The following PCDHA5 variants were observed in gnomAD, a reference collection of about 807,000 sequenced individuals.
The protein encoded by PCDHA5 is protocadherin alpha-5.
A neutral mutation model predicts 61.6 loss-of-function variants in PCDHA5; 43 were observed. The ratio of observed to expected loss-of-function variants is 0.70; its 90% CI spans 0.55 to 0.90. The LOEUF (loss-of-function observed/expected upper bound fraction) is 0.90, where lower values mean the gene tolerates loss of function less well. PCDHA5 is among the 40% of genes least tolerant of loss of function. The pLI is 0.00. For missense variants in PCDHA5, 1,298 were observed against 1,222.7 expected (o/e 1.06, Z -0.92); for synonymous variants, 627 against 543.9 (o/e 1.15, Z -2.13).
intron 1 of PCDHA5, among the ~76,000 whole-genome samples, chr5:140,951,153 G>T (rs1585399827): frequency 3.4e-5 from 1 of 29,832 alleles, no homozygotes; most frequent in Admixed American, 3.1e-4. Context: ...ATTGAATATA[G>T]TTATAGTAGC....
chr5:140,968,564 G>C (rs565573880), intron 1 of PCDHA5: 1 of 1,614,168 alleles, frequency 6.2e-7, no homozygotes, highest in South Asian at 1.1e-5. Context: ...AACTGCCCCT[G>C]CTGGCTACCT....
intron 2 of PCDHA5, among the ~76,000 whole-genome samples, chr5:140,979,601 C>T (rs1214449101): frequency 1.3e-5 from 2 of 152,160 alleles, no homozygotes; most frequent in African/African-American, 4.8e-5. Context: ...TTTAAATTAA[C>T]CTAGAGTAAC....
chr5:140,978,036 C>T (rs1460377915), intron 1 of PCDHA5, among the ~76,000 whole-genome samples: 22 of 152,268 alleles, frequency 1.4e-4, no homozygotes, highest in Admixed American at 1.4e-3. Context: ...TGATACAAGA[C>T]AGTGATGGTG....
intron 1 of PCDHA5, chr5:140,869,751 C>T (rs1562632987): frequency 1.2e-6 from 2 of 1,613,134 alleles, no homozygotes; most frequent in Non-Finnish European, 1.7e-6. Context: ...CAGCTACAGA[C>T]GGGGGAAAAC....
Position 140,842,470 on chromosome 5 carries a change from G to T in PCDHA5, c.2352+18343G>T, listed in dbSNP as rs2150336906. 2.9e-5 allele frequency: 47 copies of T among 1,613,802 alleles called. 1 individual carries two copies. Among genetic ancestry groups the T allele is most frequent in the South Asian group, 2.4e-4 (22 of 91,082 alleles). ...ACGACCTCGATTCAGGTGCCAACGG[G>T]CAGGTGACCTGCTCCCTGATGCCCC... is the stretch of plus-strand genomic sequence containing the variant. On this transcript the variant is annotated intron_variant, in intron 1 of 3. Transcript: ENST00000529859.
At chr5:140,842,857 G>C in intron 1 of PCDHA5, 1 of 1,594,002 alleles carries the variant, frequency 6.3e-7, no homozygotes, top group Non-Finnish European at 8.6e-7. Flanking sequence ...CGGTGCACAC[G>C]GAGAGCGGCA....
Position 140,877,016 on chromosome 5 carries a change from G to T in PCDHA5, c.2352+52889G>T, listed in dbSNP as rs781790454. The T allele has an allele frequency of 4.7e-5, 76 of 1,612,480 alleles. No individual in the cohort carries two copies. The highest frequency in any genetic ancestry group is 4.0e-4 in the Middle Eastern group (2 of 5,052). The stretch of plus-strand genomic sequence containing the variant: ...TACGTGTCGGTGCACGCGGAGAGCG[G>T]CAAGGTGTACGCGCTGCAGCCGCTA... On this transcript the variant is annotated intron_variant, in intron 1 of 3. Coordinates refer to ENST00000529859, the MANE Select transcript of PCDHA5 (RefSeq NM_018908.3).
intron 1 of PCDHA5, chr5:140,824,610 GTTTTTTTT>G (rs782443702): frequency 1.1e-5 from 1 of 95,104 alleles, no homozygotes; most frequent in Non-Finnish European, 1.9e-5. Flanking sequence ...GCTAATTAAA[GTTTTTTTT>G]TTTTTTTTTT....
Position 140,850,921 on chromosome 5 carries a change from T to G in PCDHA5, c.2352+26794T>G, listed in dbSNP as rs2150502315. 43 of 1,526,092 alleles carry G rather than the reference T, an allele frequency of 2.8e-5. 3 individuals carry two copies. In the African/African-American group the frequency reaches 3.6e-4, roughly 13 times the overall value. 94.5% of individuals were successfully genotyped at this position (1,526,092 alleles called of 1,614,324 possible). ...TTTTCTAGCATTTTATTTATTTATA[T>G]AATTTTTTTTCTTGAAAGATATTAT... On this transcript the variant is annotated intron_variant, in intron 1 of 3. Coordinates refer to ENST00000529859, the MANE Select transcript of PCDHA5 (RefSeq NM_018908.3).
intron 1 of PCDHA5, among the ~76,000 whole-genome samples, chr5:140,891,953 T>G (rs1056816293): frequency 6.6e-6 from 1 of 152,238 alleles, no homozygotes; most frequent in African/African-American, 2.4e-5. Flanking sequence ...GCTCCAGAAT[T>G]GTGAGAAGTA....
At chr5:140,966,854 C>G in intron 1 of PCDHA5, 1 of 1,573,744 alleles carries the variant, frequency 6.4e-7, no homozygotes, top group Non-Finnish European at 8.6e-7. Context: ...GCCTCTCCTG[C>G]TGCTGTTGCT....
At chr5:140,883,844 G>T (rs1404353270) in intron 1 of PCDHA5, 10 of 1,612,718 alleles carry the variant, frequency 6.2e-6, no homozygotes, top group South Asian at 1.1e-5. Flanking sequence ...GTTGGACCAC[G>T]AGGAGCTGGA....
chr5:140,824,402 G>T (rs1768107554), intron 1 of PCDHA5: 3 of 539,824 alleles, frequency 5.6e-6, no homozygotes, highest in East Asian at 3.1e-5. Flanking sequence ...GATAATAATT[G>T]TAAGACATAG....
chr5:140,915,373 C>T (rs1234241584), intron 1 of PCDHA5, among the ~76,000 whole-genome samples: 12 of 152,126 alleles, frequency 7.9e-5, no homozygotes, highest in African/African-American at 2.2e-4. Flanking sequence ...GTAAGTGTCT[C>T]GGCATTGAAG....
At chr5:140,992,153 T>C (rs191199905) in intron 3 of PCDHA5, among the ~76,000 whole-genome samples, 76 of 152,066 alleles carry the variant, frequency 5.0e-4, no homozygotes, top group African/African-American at 1.8e-3. Flanking sequence ...CTTTGCTCAA[T>C]CAAGAAGTGT....
intron 1 of PCDHA5, among the ~76,000 whole-genome samples, chr5:140,932,340 C>G (rs1339952181): frequency 6.6e-6 from 1 of 151,864 alleles, no homozygotes; most frequent in Non-Finnish European, 1.5e-5. Flanking sequence ...GCATGAAACA[C>G]TTACCATACA....
intron 1 of PCDHA5, chr5:140,856,684 A>G (rs1554148977): frequency 1.3e-6 from 2 of 1,597,646 alleles, no homozygotes; most frequent in Admixed American, 1.7e-5. Context: ...TGTTGTTGAC[A>G]GCAACTGATG....
At chr5:140,840,534 A>G (rs1554137817) in intron 1 of PCDHA5, among the ~76,000 whole-genome samples, 1 of 152,088 alleles carries the variant, frequency 6.6e-6, no homozygotes, top group East Asian at 1.9e-4. Flanking sequence ...TGAAGAACTA[A>G]CAAGCCAATG....
At chr5:140,951,487 G>A (rs1563250651) in intron 1 of PCDHA5, among the ~76,000 whole-genome samples, 1 of 151,938 alleles carries the variant, frequency 6.6e-6, no homozygotes, top group Non-Finnish European at 1.5e-5. Flanking sequence ...CAAGAATCAT[G>A]GTGGAAGGCA....
Sources: allele counts gnomAD v4.1 joint callset (sites outside exome capture counted in the v4.1 genomes callset), GRCh38; gene constraint gnomAD v4.1.1; transcripts MANE v1.5; gene names NCBI Gene and HGNC (gene_info 2026-07-23, HGNC 2026-07-21).